ARHGAP20: variants seen among roughly 807,000 people sequenced by gnomAD.
ARHGAP20 encodes the protein rho GTPase-activating protein 20.
In ARHGAP20, 34 loss-of-function variants were observed where a neutral mutation model predicts 73.7. The observed-to-expected ratio is 0.46, with a 90% confidence interval of 0.35 to 0.61. The LOEUF (loss-of-function observed/expected upper bound fraction) is 0.61. ARHGAP20 is among the 20% of genes least tolerant of loss of function. The probability of loss-of-function intolerance (pLI) is 0.00; values close to 1 mark genes in which losing one functional copy is unlikely to be tolerated. For missense variants in ARHGAP20, 1,314 were observed against 1,420.9 expected (o/e 0.92, Z 1.21); for synonymous variants, 523 against 518.2 (o/e 1.01, Z -0.13).
At chr11:110,696,381 G>A (rs1950335936) in intron 1 of ARHGAP20, among the ~76,000 whole-genome samples, 1 of 151,592 alleles carries the variant, frequency 6.6e-6, no homozygotes, top group Non-Finnish European at 1.5e-5. Context: ...CTGGGCTCCA[G>A]CCCAGCAAAC....
chr11:110,607,868 A>G (rs1396715), intron 8 of ARHGAP20, among the ~76,000 whole-genome samples: 18,790 of 152,206 alleles, frequency 0.12, 1,426 homozygotes, highest in South Asian at 0.29. Context: ...GGCTGTCATA[A>G]GCCTAAAAGT....
intron 11 of ARHGAP20, among the ~76,000 whole-genome samples, chr11:110,588,555 A>G (rs1947734628): frequency 6.6e-6 from 1 of 152,234 alleles, no homozygotes; most frequent in Admixed American, 6.5e-5. Context: ...AAAAGGGGGT[A>G]AAACATACGA....
chr11:110,615,440 T>C (rs1298717382), intron 5 of ARHGAP20, 113 bp downstream of exon 5: 14 of 964,352 alleles, frequency 1.5e-5, no homozygotes, highest in Non-Finnish European at 2.2e-5. Context: ...AGAGGTCAAA[T>C]GAACAATTTC....
intron 2 of ARHGAP20, among the ~76,000 whole-genome samples, chr11:110,687,313 G>A (rs1950157025): frequency 6.6e-6 from 1 of 151,828 alleles, no homozygotes; most frequent in Non-Finnish European, 1.5e-5. Flanking sequence ...ATACCAAAGG[G>A]TTTGGATTAC....
At chr11:110,591,429 T>C (rs896513172) in intron 10 of ARHGAP20, among the ~76,000 whole-genome samples, 1 of 152,232 alleles carries the variant, frequency 6.6e-6, no homozygotes, top group Non-Finnish European at 1.5e-5. Context: ...ATGCCATATA[T>C]GTAGTATAGT....
intron 2 of ARHGAP20, 51 bp downstream of exon 2, chr11:110,690,496 T>C (rs1179294661): frequency 6.6e-7 from 1 of 1,526,106 alleles, no homozygotes; most frequent in Admixed American, 1.7e-5. Flanking sequence ...CTTCATCTAA[T>C]ATAAACTTCC....
chr11:110,700,035 T>C (rs545964925), intron 1 of ARHGAP20, among the ~76,000 whole-genome samples: 1 of 152,174 alleles, frequency 6.6e-6, no homozygotes, highest in African/African-American at 2.4e-5. Flanking sequence ...AGGCTCTCAC[T>C]GGAATTTTAA....
rs1199446168 is a variant in ARHGAP20, at chr11:110,592,110, C to T, written c.1010G>A (p.Trp337Ter). 6.2e-7 allele frequency: 1 copy of T among 1,614,120 alleles called. No individual in the cohort carries two copies. The highest frequency in any genetic ancestry group is 8.5e-7 in the Non-Finnish European group (1 of 1,179,992). Residue 337 changes from tryptophan to a stop codon, truncating the protein, a stop_gained, in exon 10 of 15, where the codon TGG becomes TAG. Coordinates refer to ENST00000683387, the MANE Select transcript of ARHGAP20 (RefSeq NM_001384657.1). LOFTEE classifies it high-confidence loss of function. ...TFKRRRSIIN[W>*]AFWRGSSTHL... ...AGTGCTAGAACCTCGCCAGAAGGCC[C>T]AGTTTATGATAGATCTTCTCCTTTT...
chr11:110,605,254 C>A (rs148584726), intron 9 of ARHGAP20, among the ~76,000 whole-genome samples: 2 of 152,200 alleles, frequency 1.3e-5, no homozygotes, highest in East Asian at 3.9e-4. Context: ...GGAATCTGGG[C>A]TTCCAGAGAT....
At position 110,598,627 on chromosome 11, in the gene ARHGAP20, C is replaced by G. The variant is rs542225891; in HGVS notation, c.965-6472G>C. On this transcript the variant is annotated intron_variant, in intron 9 of 14. Transcript: ENST00000683387. ...ACTAGAGATGTGTATGAAGTGCTAA[C>G]TGCCTGAAGGAACAAAGATTTCCTA... 9.8e-5 allele frequency among the ~76,000 whole-genome samples: 15 copies of G among 152,312 alleles called. No homozygotes were observed. In the East Asian group the frequency reaches 2.9e-3, roughly 29 times the overall value.
At chr11:110,667,095 T>C (rs1949739137) in intron 2 of ARHGAP20, among the ~76,000 whole-genome samples, 1 of 152,252 alleles carries the variant, frequency 6.6e-6, no homozygotes. Context: ...GTGGAAGCTG[T>C]AGCAAGTTAT....
At position 110,611,364 on chromosome 11, in the gene ARHGAP20, T is replaced by C. The variant is rs1948363080; in HGVS notation, c.653A>G (p.Asn218Ser). ...GATAACTTCATTCGCTGTATCTGAA[T>C]TCATTACTGTTATAGTTTTAGACTG... ...CAYSKTITVM[N>S]SDTANEVINM... The change falls in exon 7 of 15, where the codon AAT becomes AGT. Residue 218 changes from asparagine (N) to serine (S), a missense_variant. Physicochemically the swap from Asn to Ser is conservative, Grantham distance 46. Coordinates refer to ENST00000683387, the MANE Select transcript of ARHGAP20 (RefSeq NM_001384657.1). The C allele has an allele frequency of 1.3e-6, 2 of 1,554,684 alleles. No individual in the cohort carries two copies. Among genetic ancestry groups the C allele is most frequent in the East Asian group, 2.4e-5 (1 of 42,478 alleles).
At chr11:110,621,254 G>A (rs538070508) in intron 4 of ARHGAP20, among the ~76,000 whole-genome samples, 3 of 152,038 alleles carry the variant, frequency 2.0e-5, no homozygotes, top group African/African-American at 4.8e-5. Context: ...ACTAGGTATA[G>A]TTTTCTTAAT....
intron 1 of ARHGAP20, among the ~76,000 whole-genome samples, chr11:110,696,818 G>T (rs189320624): frequency 5.4e-4 from 82 of 151,806 alleles, no homozygotes; most frequent in African/African-American, 2.0e-3. Flanking sequence ...GTGAGAATAT[G>T]TGGTATTTAA....
intron 1 of ARHGAP20, among the ~76,000 whole-genome samples, chr11:110,698,446 G>A (rs1950379538): frequency 6.6e-6 from 1 of 151,798 alleles, no homozygotes; most frequent in Non-Finnish European, 1.5e-5. Flanking sequence ...GAACGAGTTA[G>A]GAAATAATCC....
chr11:110,644,753 C>T (rs1949150894), intron 2 of ARHGAP20, among the ~76,000 whole-genome samples: 1 of 151,940 alleles, frequency 6.6e-6, no homozygotes, highest in Non-Finnish European at 1.5e-5. Flanking sequence ...TGTTTAAGAC[C>T]TCAAAAGTAA....
chr11:110,606,647 G>T lies in ARHGAP20; in HGVS notation c.878C>A (p.Pro293His). ...DSTTPFNLQE[P>H]FLMEQLPREM... is the part of the protein sequence containing the mutation. ...TCGGGGGAGCTGTTCCATAAGGAAG[G>T]GCTCCTGGAGGTTGAAAGGGGTGGT... Residue 293 changes from proline (P) to histidine (H), a missense_variant, in exon 9 of 15, where the codon CCC becomes CAC. This residue lies in a region of ARHGAP20 where 443 missense variants were observed against 466.4 expected (regional missense o/e 0.95). Transcript: ENST00000683387. 6.2e-7 allele frequency: 1 copy of T among 1,610,722 alleles called. No homozygotes were observed. The highest frequency in any genetic ancestry group is 1.3e-5 in the African/African-American group (1 of 74,556).
chr11:110,621,640 CCTAT>C (rs769239085), intron 4 of ARHGAP20, among the ~76,000 whole-genome samples: 11 of 151,934 alleles, frequency 7.2e-5, no homozygotes, highest in Non-Finnish European at 1.3e-4. Context: ...GCTGATATTT[CCTAT>C]CTTTTTATTA....
chr11:110,609,878 T>A (rs1290485333), intron 7 of ARHGAP20, among the ~76,000 whole-genome samples: 2 of 152,058 alleles, frequency 1.3e-5, no homozygotes, highest in African/African-American at 4.8e-5. Context: ...GCCCCATCCC[T>A]CCTAGTCAAA....
Sources: allele counts gnomAD v4.1 joint callset (sites outside exome capture counted in the v4.1 genomes callset), GRCh38; gene constraint gnomAD v4.1.1; regional missense constraint gnomAD v4.1.1; transcripts MANE v1.5; gene names NCBI Gene and HGNC (gene_info 2026-07-23, HGNC 2026-07-21).